Variants in CCDC112 observed in about 807,000 individuals in gnomAD.
CCDC112 encodes coiled-coil domain-containing protein 112.
A neutral mutation model predicts 66.3 loss-of-function variants in CCDC112; 40 were observed. The ratio of observed to expected loss-of-function variants is 0.60; its 90% CI spans 0.47 to 0.79. CCDC112 has a LOEUF of 0.79. Among genes scored for constraint, CCDC112 ranks in the 30% least tolerant of loss-of-function variants. The pLI is 0.00. For missense variants in CCDC112, 659 were observed against 603.8 expected (o/e 1.09, Z -0.96); for synonymous variants, 214 against 197.2 (o/e 1.09, Z -0.71).
intron 6 of CCDC112, 29 bp from the exon 7 acceptor site, chr5:115,271,655 A>G (rs771082187): frequency 7.0e-7 from 1 of 1,437,562 alleles, no homozygotes; most frequent in Non-Finnish European, 9.2e-7. Flanking sequence ...AAAAGAAAGC[A>G]AGAGAAAAAA....
In CCDC112 at chr5:115,267,926, GA is replaced by G; in HGVS notation, c.1548-9del. ...CTCCAGGTTGGAATAGCCCTAAGGA[GA>G]AAAAGAGAAAAGCAATTGTAAATAT... On this transcript the variant is annotated splice_polypyrimidine_tract_variant and intron_variant, in intron 9 of 9. Coordinates refer to ENST00000379611, the MANE Select transcript of CCDC112 (RefSeq NM_001040440.3). 6.2e-7 allele frequency: 1 copy of G among 1,602,446 alleles called. No individual in the cohort carries two copies. The highest frequency in any genetic ancestry group is 8.5e-7 in the Non-Finnish European group (1 of 1,171,676).
At chr5:115,279,479 A>T (rs1363077211) in intron 3 of CCDC112, among the ~76,000 whole-genome samples, 168 bp downstream of exon 3, 1 of 152,206 alleles carries the variant, frequency 6.6e-6, no homozygotes, top group African/African-American at 2.4e-5. Flanking sequence ...ACATGTCCCT[A>T]AAAGACAAAT....
intron 1 of CCDC112, 57 bp downstream of exon 1, chr5:115,296,370 C>T: frequency 6.6e-7 from 1 of 1,524,410 alleles, no homozygotes; most frequent in Non-Finnish European, 8.7e-7. Context: ...CCTGTTCAGC[C>T]AGGGCCTGCA....
In CCDC112 at chr5:115,284,901, C is replaced by T. The variant is rs1749611723; in HGVS notation, c.125G>A (p.Gly42Asp). The T allele has an allele frequency of 5.6e-6, 9 of 1,611,696 alleles. No individual in the cohort carries two copies. The highest frequency in any genetic ancestry group is 1.3e-5 in the African/African-American group (1 of 74,862). Residue 42 changes from glycine (G) to aspartate (D), a missense_variant, in exon 2 of 10, where the codon GGC becomes GAC. Transcript: ENST00000379611. ...AATTCCACCTGAAGTACTAAAACAGCCATCACTCTGCATTGAGAACAAGAA... is the reference window on the plus strand; with the variant it reads ...AATTCCACCTGAAGTACTAAAACAGTCATCACTCTGCATTGAGAACAAGAA... ...GATPAPQQSD[G>D]CFSTSGGIRP...
intron 1 of CCDC112, among the ~76,000 whole-genome samples, chr5:115,293,017 A>G (rs1179751076): frequency 1.3e-5 from 2 of 152,228 alleles, no homozygotes; most frequent in East Asian, 1.9e-4. Flanking sequence ...AACAACACAC[A>G]TTTATTGACT....
At chr5:115,296,038 T>G (rs1008281448) in intron 1 of CCDC112, 1 of 997,898 alleles carries the variant, frequency 1.0e-6, no homozygotes, top group African/African-American at 1.7e-5. Context: ...CACCAATTAC[T>G]GAGCACAGAG....
chr5:115,281,965 A>C (rs570280059), intron 2 of CCDC112, among the ~76,000 whole-genome samples: 1 of 152,320 alleles, frequency 6.6e-6, no homozygotes, highest in South Asian at 2.1e-4. Context: ...TTGTAAATTC[A>C]TTTATCTCTG....
intron 2 of CCDC112, among the ~76,000 whole-genome samples, chr5:115,284,443 T>G (rs902757940): frequency 2.0e-5 from 3 of 152,180 alleles, no homozygotes; most frequent in African/African-American, 7.2e-5. Flanking sequence ...ACGATTCACT[T>G]CCTCAAAAAC....
rs145522354 is a variant in CCDC112, at chr5:115,283,673, C to T, written c.239+1114G>A. ...TATGTAAATGCAAGGAGAATTTAGT[C>T]TCCAAAAGCTACGATATGGTATAGC... On this transcript the variant is annotated intron_variant, in intron 2 of 9. Transcript: ENST00000379611. 3.8e-3 allele frequency among the ~76,000 whole-genome samples: 573 copies of T among 152,142 alleles called. 1 individual carries two copies. Among genetic ancestry groups the T allele is most frequent in the Middle Eastern group, 0.014 (4 of 294 alleles).
At position 115,271,196 on chromosome 5, in the gene CCDC112, G is replaced by T; in HGVS notation, c.1332+17C>A. On this transcript the variant is annotated intron_variant, in intron 7 of 9. Coordinates refer to ENST00000379611, the MANE Select transcript of CCDC112 (RefSeq NM_001040440.3). ...TGTGTAGCATTTAAAAATTATTTAGGAAATAGATTTACTCACTCTTTCTTG... is the reference window on the plus strand; with the variant it reads ...TGTGTAGCATTTAAAAATTATTTAGTAAATAGATTTACTCACTCTTTCTTG... 6.4e-7 allele frequency: 1 copy of T among 1,558,734 alleles called. No individual in the cohort carries two copies. The highest frequency in any genetic ancestry group is 1.2e-5 in the South Asian group (1 of 80,850).
rs1748983220 is a variant in CCDC112 at position 115,271,263 on chromosome 5, C to A, written c.1282G>T (p.Ala428Ser). ...TCAGCAGCATTTTTCCTTTTTTCTG[C>A]CTTTTCTGCCTTTTCCCTTATCTCC... is the stretch of plus-strand genomic sequence containing the variant. ...EKEIREKAEK[A>S]EKRKNAADEI... The change falls in exon 7 of 10, where the codon GCA becomes TCA. Residue 428 changes from alanine (A) to serine (S), a missense_variant. By Grantham distance (99) the Ala-to-Ser change is moderately conservative. Coordinates refer to ENST00000379611, the MANE Select transcript of CCDC112 (RefSeq NM_001040440.3). The A allele has an allele frequency of 1.3e-6, 2 of 1,587,898 alleles. No individual in the cohort carries two copies. The highest frequency in any genetic ancestry group is 2.2e-5 in the East Asian group (1 of 44,620).
At chr5:115,284,959 A>T (rs369092827) in intron 1 of CCDC112, 51 bp from the exon 2 acceptor site, 1 of 1,538,330 alleles carries the variant, frequency 6.5e-7, no homozygotes, top group African/African-American at 1.4e-5. Context: ...GTAAGACATA[A>T]ATGTGGAATT....
intron 1 of CCDC112, among the ~76,000 whole-genome samples, chr5:115,290,461 G>T (rs1198171668): frequency 6.6e-6 from 1 of 152,092 alleles, no homozygotes; most frequent in Non-Finnish European, 1.5e-5. Context: ...TATTTTGGGT[G>T]CCTTGCATTT....
chr5:115,294,609 T>C (rs1750070213), intron 1 of CCDC112, among the ~76,000 whole-genome samples: 1 of 152,242 alleles, frequency 6.6e-6, no homozygotes, highest in South Asian at 2.1e-4. Context: ...TTAGATATTT[T>C]GGTAGACATC....
At position 115,275,242 on chromosome 5, in the gene CCDC112, G is replaced by A; in HGVS notation, c.892C>T (p.Leu298=). The A allele has an allele frequency of 6.2e-7, 1 of 1,609,598 alleles. No homozygotes were observed. Among genetic ancestry groups the A allele is most frequent in the Non-Finnish European group, 8.5e-7 (1 of 1,178,866 alleles). ...QQHEKWYQKF[L]ALEERKKESI... The stretch of plus-strand genomic sequence containing the variant: ...TCTTTTTTTCTTTCTTCTAGAGCCA[G>A]AAACTTTTGATACCATTTTTCATGC... The change falls in exon 6 of 10, where the codon CTG becomes TTG. Residue 298 remains leucine (L), a synonymous_variant. Transcript: ENST00000379611.
At position 115,276,089 on chromosome 5, in the gene CCDC112, A is replaced by T; in HGVS notation, c.452-20T>A. The T allele has an allele frequency of 5.1e-6, 8 of 1,563,114 alleles. No individual in the cohort carries two copies. The highest frequency in any genetic ancestry group is 7.0e-6 in the Non-Finnish European group (8 of 1,150,766). On this transcript the variant is annotated intron_variant, in intron 4 of 9. Coordinates refer to ENST00000379611, the MANE Select transcript of CCDC112 (RefSeq NM_001040440.3). ...CAACAACTGTAAAAGAAACACGGAA[A>T]ATTATTTTGTGCCATTTTCCCATAT...
At position 115,271,159 on chromosome 5, in the gene CCDC112, G is replaced by GCATT. The variant is rs1441541647; in HGVS notation, c.1332+53_1332+54insAATG. The GCATT allele has an allele frequency of 2.7e-6, 4 of 1,491,370 alleles. No homozygotes were observed. The African/African-American group carries it at 5.6e-5, about 21-fold the overall frequency. The allele number at this position is 1,491,370 out of a possible 1,614,324, so 92.4% of individuals were successfully genotyped here. A position where few individuals can be genotyped will look rare whatever the true frequency, so the allele number is the denominator to read the frequency against. On this transcript the variant is annotated intron_variant, in intron 7 of 9. Coordinates refer to ENST00000379611, the MANE Select transcript of CCDC112 (RefSeq NM_001040440.3). ...AATTTTTGCTTAACTGAATTTGGAA[G>GCATT]TAATACCTCCATGTGTAGCATTTAA...
chr5:115,282,967 C>A (rs1033131037), intron 2 of CCDC112, among the ~76,000 whole-genome samples: 1 of 152,012 alleles, frequency 6.6e-6, no homozygotes, highest in African/African-American at 2.4e-5. Flanking sequence ...GATGAAGAAG[C>A]CTTCTCAGAA....
chr5:115,283,792 G>A (rs1749557748), intron 2 of CCDC112, among the ~76,000 whole-genome samples: 1 of 151,958 alleles, frequency 6.6e-6, no homozygotes, highest in Non-Finnish European at 1.5e-5. Context: ...CCTTATAATA[G>A]GCTCCTTTTC....
Sources: allele counts gnomAD v4.1 joint callset (sites outside exome capture counted in the v4.1 genomes callset), GRCh38; gene constraint gnomAD v4.1.1; transcripts MANE v1.5; gene names NCBI Gene and HGNC (gene_info 2026-07-23, HGNC 2026-07-21).